COL11A1: variants seen among roughly 807,000 people sequenced by gnomAD.
COL11A1 encodes collagen alpha-1(XI) chain.
A neutral mutation model predicts 265.2 loss-of-function variants in COL11A1; 74 were observed. That is an observed-to-expected ratio of 0.28 (90% CI 0.23 to 0.34). COL11A1 has a LOEUF of 0.34. Among genes scored for constraint, COL11A1 ranks in the 10% least tolerant of loss-of-function variants. The pLI is 1.00. For synonymous variants in COL11A1, 816 were observed against 727.6 expected (o/e 1.12, Z -1.96); for missense variants, 2,165 against 2,263.6 (o/e 0.96, Z 0.88).
chr1:103,015,713 C>T lies in COL11A1; in HGVS notation c.1443G>A (p.Gly481=). ...CAGGAGGACCAGGTAGACCATCAGC[C>T]CCTGGTAAGCCAGGACGTCCTGGGG... ...RGPPGRPGLP[G]ADGLPGPPGT... is the part of the protein sequence containing the mutation. Residue 481 remains glycine (G), a synonymous_variant, in exon 12 of 67, where the codon GGG becomes GGA. Transcript: ENST00000370096. 2 of 1,608,018 alleles carry T rather than the reference C, an allele frequency of 1.2e-6. No individual in the cohort carries two copies. The highest frequency in any genetic ancestry group is 1.7e-4 in the Middle Eastern group (1 of 6,026).
intron 4 of COL11A1, among the ~76,000 whole-genome samples, chr1:103,069,627 G>A (rs888145771): frequency 2.6e-5 from 4 of 151,664 alleles, no homozygotes; most frequent in Non-Finnish European, 4.4e-5. Context: ...GTCACATACT[G>A]GAAAAAATAT....
intron 10 of COL11A1, 26 bp from the exon 11 acceptor site, chr1:103,017,908 A>G (rs370589934): frequency 6.4e-7 from 1 of 1,553,946 alleles, no homozygotes; most frequent in African/African-American, 1.4e-5. Flanking sequence ...CCATATCTTA[A>G]TCAGATTCCT....
chr1:103,078,520 T>G (rs1672153073), intron 3 of COL11A1, 138 bp downstream of exon 3: 1 of 740,254 alleles, frequency 1.4e-6, no homozygotes, highest in Non-Finnish European at 2.3e-6. Context: ...ATAAATTATG[T>G]CTTTATGTAT....
intron 63 of COL11A1, among the ~76,000 whole-genome samples, chr1:102,885,294 C>G (rs760067547): frequency 1.4e-4 from 22 of 151,894 alleles, no homozygotes; most frequent in Non-Finnish European, 1.3e-4. Flanking sequence ...TCAGCTTTGA[C>G]CTTTATACTG....
intron 41 of COL11A1, among the ~76,000 whole-genome samples, chr1:102,947,638 TA>T (rs368564470): frequency 1.3e-5 from 2 of 152,148 alleles, no homozygotes; most frequent in Non-Finnish European, 2.9e-5. Context: ...AAAAAAGATG[TA>T]ATGCTTTTAA....
intron 63 of COL11A1, 79 bp downstream of exon 63, chr1:102,886,728 C>G (rs1651025528): frequency 6.4e-7 from 1 of 1,565,042 alleles, no homozygotes; most frequent in Admixed American, 1.7e-5. Flanking sequence ...AAACATTTAA[C>G]TAGAATGAAT....
chr1:102,905,468 G>A (rs760719607), intron 54 of COL11A1, among the ~76,000 whole-genome samples: 3 of 149,576 alleles, frequency 2.0e-5, no homozygotes, highest in South Asian at 4.2e-4. Flanking sequence ...AGGAAAATTA[G>A]TGGTGCCTTT....
chr1:102,931,722 G>T (rs535796927), intron 46 of COL11A1, among the ~76,000 whole-genome samples: 4 of 152,042 alleles, frequency 2.6e-5, no homozygotes, highest in Non-Finnish European at 4.4e-5. Context: ...TAATGTGTGG[G>T]AGTTAAGTCT....
chr1:103,015,219 T>TC (rs1230556564), intron 12 of COL11A1, among the ~76,000 whole-genome samples: 5 of 151,994 alleles, frequency 3.3e-5, no homozygotes, highest in African/African-American at 1.2e-4. Flanking sequence ...TGCATTTTTT[T>TC]CCCAAAACAC....
chr1:103,105,824 T>A (rs1349193039), intron 1 of COL11A1, among the ~76,000 whole-genome samples: 1 of 152,170 alleles, frequency 6.6e-6, no homozygotes. Context: ...TATTCCCTTT[T>A]TGAAGTTAAT....
chr1:103,006,490 A>G (rs942185946), intron 15 of COL11A1, among the ~76,000 whole-genome samples, 175 bp from the exon 16 acceptor site: 1 of 148,506 alleles, frequency 6.7e-6, no homozygotes, highest in Non-Finnish European at 1.5e-5. Context: ...CAAAAGGTTC[A>G]TATCAAATAA....
At chr1:103,046,742 T>C (rs1370768758) in intron 4 of COL11A1, among the ~76,000 whole-genome samples, 8 of 151,398 alleles carry the variant, frequency 5.3e-5, no homozygotes, top group Non-Finnish European at 1.2e-4. Context: ...GTTTTAGGTC[T>C]AACGTTTAAG....
At chr1:103,055,487 T>C (rs1051887823) in intron 4 of COL11A1, among the ~76,000 whole-genome samples, 2 of 152,188 alleles carry the variant, frequency 1.3e-5, no homozygotes, top group African/African-American at 4.8e-5. Flanking sequence ...GCTTATTTTG[T>C]TTTCTTTCTT....
At chr1:102,911,806 G>A (rs1654717016) in intron 54 of COL11A1, among the ~76,000 whole-genome samples, 1 of 152,078 alleles carries the variant, frequency 6.6e-6, no homozygotes, top group Non-Finnish European at 1.5e-5. Flanking sequence ...TTTTAAGCTA[G>A]CACTGGACTT....
Position 102,930,234 on chromosome 1 carries a change from T to C in COL11A1, c.3600+4215A>G, listed in dbSNP as rs932369886. On this transcript the variant is annotated intron_variant, in intron 46 of 66. Coordinates refer to ENST00000370096, the MANE Select transcript of COL11A1 (RefSeq NM_001854.4). ...TATGATATTGGCTGTGGGTTTGTCATAGATAGCTCTTATTATTTTGAAATA... is the reference window on the plus strand; with the variant it reads ...TATGATATTGGCTGTGGGTTTGTCACAGATAGCTCTTATTATTTTGAAATA... Among the ~76,000 whole-genome samples, 4 of 151,890 alleles carry C rather than the reference T, an allele frequency of 2.6e-5. No homozygotes were observed. In the East Asian group the frequency reaches 5.8e-4, roughly 22 times the overall value.
Position 102,915,150 on chromosome 1 carries a change from C to G in COL11A1, c.3817-339G>C, listed in dbSNP as rs889953049. 1.6e-4 allele frequency among the ~76,000 whole-genome samples: 25 copies of G among 152,124 alleles called. 1 individual carries two copies. The highest frequency in any genetic ancestry group is 5.8e-4 in the African/African-American group (24 of 41,426). ...TTGCTGTGGGGAGCTGTTCTCTGCCCTTTAAGAAGTCCAATGGTATCCCTG... is the reference window on the plus strand; with the variant it reads ...TTGCTGTGGGGAGCTGTTCTCTGCCGTTTAAGAAGTCCAATGGTATCCCTG... On this transcript the variant is annotated intron_variant, in intron 50 of 66. Transcript: ENST00000370096.
At chr1:103,025,873 G>A (rs968753888) in intron 6 of COL11A1, 15 of 1,613,366 alleles carry the variant, frequency 9.3e-6, no homozygotes, top group Non-Finnish European at 1.3e-5. Context: ...TTCAGATTTG[G>A]GGGGTGTAAA....
chr1:102,956,958 C>T (rs1393854650), intron 41 of COL11A1, among the ~76,000 whole-genome samples: 4 of 151,050 alleles, frequency 2.6e-5, no homozygotes, highest in Non-Finnish European at 5.9e-5. Flanking sequence ...AAAGAAATTG[C>T]AAATATTTTT....
chr1:102,963,116 G>T lies in COL11A1; in HGVS notation c.2917-356C>A, dbSNP rs548996619. On this transcript the variant is annotated intron_variant, in intron 38 of 66. Transcript: ENST00000370096. ...ATCCCATTCCTTCTTTTCATATGAG[G>T]TGTCAAATCAGCTTAGTAGTAAAGA... Among the ~76,000 whole-genome samples the T allele has an allele frequency of 5.9e-5, 9 of 152,152 alleles. No homozygotes were observed. In the East Asian group the frequency reaches 1.7e-3, roughly 29 times the overall value.
Sources: allele counts gnomAD v4.1 joint callset (sites outside exome capture counted in the v4.1 genomes callset), GRCh38; gene constraint gnomAD v4.1.1; transcripts MANE v1.5; gene names NCBI Gene and HGNC (gene_info 2026-07-23, HGNC 2026-07-21).